Variants in SGCZ observed in about 807,000 individuals in gnomAD.
SGCZ encodes the protein zeta-sarcoglycan.
In SGCZ, 40 loss-of-function variants were observed where a neutral mutation model predicts 41.3. The observed-to-expected ratio is 0.97, with a 90% CI of 0.75 to 1.26. The LOEUF (loss-of-function observed/expected upper bound fraction) is 1.26. Among genes scored for constraint, SGCZ ranks in the 50% most tolerant of loss-of-function variants. The pLI is 0.00. For synonymous variants in SGCZ, 206 were observed against 137.5 expected, an observed-to-expected ratio of 1.50 and a Z score of -3.49; for missense variants, 552 against 369.8, an observed-to-expected ratio of 1.49 and a Z score of -4.04.
At position 14,204,373 on chromosome 8, in the gene SGCZ, C is replaced by CTT. The variant is rs1481967710; in HGVS notation, c.424+33217_424+33218dup. 2.0e-5 allele frequency among the ~76,000 whole-genome samples: 3 copies of CTT among 151,534 alleles called. No individual in the cohort carries two copies. In the East Asian group the frequency reaches 5.8e-4, roughly 29 times the overall value. On this transcript the variant is annotated intron_variant, in intron 4 of 7. Transcript: ENST00000382080. ...CAGAACATGGAATGCGACATTCTGTCTTTTCCCTGATTTGAGAGGCAAATT... is the reference window on the plus strand; with the variant it reads ...CAGAACATGGAATGCGACATTCTGTCTTTTTTCCCTGATTTGAGAGGCAAATT...
At chr8:14,106,610 CTTTA>C (rs752695669) in intron 6 of SGCZ, among the ~76,000 whole-genome samples, 2 of 152,218 alleles carry the variant, frequency 1.3e-5, no homozygotes, top group Admixed American at 6.5e-5. Context: ...AGATTTTCAA[CTTTA>C]TTTATTTTTT....
chr8:15,056,250 T>A lies in SGCZ; in HGVS notation c.39+181335A>T, dbSNP rs115741308. ...CCTTTGGAGCTTTCAGCTGTAAGCA[T>A]AGACTTCTTCCTATTCTTCTCTTTG... is the stretch of plus-strand genomic sequence containing the variant. On this transcript the variant is annotated intron_variant, in intron 1 of 7. Transcript: ENST00000382080. 6.9e-3 allele frequency among the ~76,000 whole-genome samples: 1,047 copies of A among 152,352 alleles called. 18 individuals carry two copies. Among genetic ancestry groups the A allele is most frequent in the African/African-American group, 0.024 (1,000 of 41,586 alleles).
At chr8:14,151,267 G>A (rs574417149) in intron 5 of SGCZ, among the ~76,000 whole-genome samples, 3 of 151,790 alleles carry the variant, frequency 2.0e-5, no homozygotes, top group East Asian at 1.9e-4. Context: ...TTCTTGCATC[G>A]ACATCTCATG....
intron 2 of SGCZ, among the ~76,000 whole-genome samples, chr8:14,371,009 T>C (rs1368679103): frequency 6.6e-6 from 1 of 151,982 alleles, no homozygotes; most frequent in African/African-American, 2.4e-5. Flanking sequence ...CACAAATGAA[T>C]AAGTTAGCAT....
chr8:14,932,927 T>C (rs1799959691), intron 1 of SGCZ, among the ~76,000 whole-genome samples: 1 of 151,980 alleles, frequency 6.6e-6, no homozygotes, highest in Non-Finnish European at 1.5e-5. Context: ...GAGGCCGTTA[T>C]CTTAAGTTAA....
chr8:14,330,705 G>C (rs1394652363), intron 2 of SGCZ, among the ~76,000 whole-genome samples: 1 of 151,896 alleles, frequency 6.6e-6, no homozygotes, highest in Non-Finnish European at 1.5e-5. Flanking sequence ...CTCCTCTTGA[G>C]TTACCTGAAA....
intron 2 of SGCZ, among the ~76,000 whole-genome samples, chr8:14,488,567 G>T (rs1246200369): frequency 1.3e-5 from 2 of 151,970 alleles, no homozygotes; most frequent in Non-Finnish European, 2.9e-5. Context: ...CAAGGATCTC[G>T]GAGCTAACCC....
At chr8:15,191,715 G>T (rs898672320) in intron 1 of SGCZ, among the ~76,000 whole-genome samples, 1 of 151,926 alleles carries the variant, frequency 6.6e-6, no homozygotes, top group Non-Finnish European at 1.5e-5. Context: ...GATAAAGCAT[G>T]TACAAATAAT....
At chr8:14,133,960 T>C (rs1468398967) in intron 5 of SGCZ, among the ~76,000 whole-genome samples, 1 of 152,216 alleles carries the variant, frequency 6.6e-6, no homozygotes, top group Admixed American at 6.5e-5. Context: ...TCAGGCTGTG[T>C]GTATTGCAAT....
intron 2 of SGCZ, among the ~76,000 whole-genome samples, chr8:14,452,200 G>C (rs922773512): frequency 2.6e-5 from 4 of 152,092 alleles, no homozygotes; most frequent in Non-Finnish European, 5.9e-5. Context: ...AGTTAAAGAA[G>C]TCAATCTGAC....
At chr8:15,064,416 G>C (rs1249903094) in intron 1 of SGCZ, among the ~76,000 whole-genome samples, 3 of 151,912 alleles carry the variant, frequency 2.0e-5, no homozygotes, top group Non-Finnish European at 2.9e-5. Flanking sequence ...AATCGATCCA[G>C]TAGTCCCATA....
intron 4 of SGCZ, among the ~76,000 whole-genome samples, chr8:14,191,930 C>T (rs1439189218): frequency 2.0e-5 from 3 of 151,968 alleles, no homozygotes; most frequent in Non-Finnish European, 4.4e-5. Flanking sequence ...AAGTAAAATA[C>T]TGATCCTTTT....
intron 1 of SGCZ, among the ~76,000 whole-genome samples, chr8:14,843,151 G>C (rs1802983964): frequency 6.6e-6 from 1 of 152,178 alleles, no homozygotes; most frequent in Non-Finnish European, 1.5e-5. Context: ...GGTGGAGGTT[G>C]CAGTGAGCTG....
chr8:15,226,692 C>T (rs1801785611), intron 1 of SGCZ, among the ~76,000 whole-genome samples: 1 of 152,162 alleles, frequency 6.6e-6, no homozygotes, highest in Non-Finnish European at 1.5e-5. Context: ...TAATTCCAAA[C>T]CCACCCTGAA....
chr8:15,054,967 A>C (rs1804652372), intron 1 of SGCZ, among the ~76,000 whole-genome samples: 1 of 151,926 alleles, frequency 6.6e-6, no homozygotes, highest in South Asian at 2.1e-4. Flanking sequence ...ATCTCAAAAA[A>C]AAAAAAAAAA....
At chr8:14,392,578 C>T (rs1804814942) in intron 2 of SGCZ, among the ~76,000 whole-genome samples, 1 of 152,246 alleles carries the variant, frequency 6.6e-6, no homozygotes, top group South Asian at 2.1e-4. Flanking sequence ...CACCTTAGAA[C>T]AGTCCTGCTT....
intron 1 of SGCZ, among the ~76,000 whole-genome samples, chr8:15,186,070 A>AAAAT (rs1156273693): frequency 6.9e-6 from 1 of 145,534 alleles, no homozygotes; most frequent in African/African-American, 2.5e-5. Context: ...AAAAATAAAA[A>AAAAT]AAATAAATAA....
chr8:14,923,096 G>A (rs901600997), intron 1 of SGCZ, among the ~76,000 whole-genome samples: 11 of 152,096 alleles, frequency 7.2e-5, no homozygotes, highest in Non-Finnish European at 1.5e-4. Context: ...TACAGCTAGT[G>A]TCTGCAAAGT....
At chr8:14,717,471 G>T (rs991382924) in intron 1 of SGCZ, among the ~76,000 whole-genome samples, 11 of 152,040 alleles carry the variant, frequency 7.2e-5, no homozygotes, top group African/African-American at 2.7e-4. Context: ...GCATCACAAA[G>T]AATTGAAGAA....
Sources: gnomAD v4.1 joint callset for allele counts (sites outside exome capture counted in the v4.1 genomes callset) on GRCh38, gnomAD v4.1.1 for gene constraint, MANE v1.5 for transcripts, NCBI Gene and HGNC (gene_info 2026-07-23, HGNC 2026-07-21) for gene names.